Variants in PTPN12 observed in about 807,000 individuals in gnomAD.
PTPN12 encodes protein tyrosine phosphatase non-receptor type 12, also known as tyrosine-protein phosphatase non-receptor type 12.
PTPN12 carries 29 observed loss-of-function variants against 97.6 expected under a neutral mutation model. The ratio of observed to expected loss-of-function variants is 0.30; its 90% CI spans 0.22 to 0.41. The LOEUF (loss-of-function observed/expected upper bound fraction) is 0.41, where lower values mean the gene tolerates loss of function less well. PTPN12 is among the 10% of genes least tolerant of loss of function. The probability of loss-of-function intolerance (pLI) is 1.00; values close to 1 mark genes in which losing one functional copy is unlikely to be tolerated. For synonymous variants in PTPN12, 327 were observed against 300.4 expected (o/e 1.09, Z -0.91); for missense variants, 819 against 926.0 (o/e 0.88, Z 1.50).
Position 77,638,627 on chromosome 7 carries a change from A to T in PTPN12, c.2177A>T (p.His726Leu). The change falls in exon 17 of 18, where the codon CAT (histidine) becomes CTT (leucine). Residue 726 changes from histidine to leucine, a missense_variant. His to Leu is a moderately conservative substitution (Grantham distance 99). Coordinates refer to ENST00000248594, the MANE Select transcript of PTPN12 (RefSeq NM_002835.4). ...LITSENEKCD[H>L]PAGGIHYEMC... ...AAGGCTTTGTGTTGCTACTTAGATC[A>T]TCCAGCGGGAGGTATTCACTATGAA... 7.5e-6 allele frequency: 12 copies of T among 1,590,408 alleles called. No homozygotes were observed. The highest frequency in any genetic ancestry group is 9.4e-6 in the Non-Finnish European group (11 of 1,171,320).
At chr7:77,591,078 T>A (rs566240436) in intron 5 of PTPN12, among the ~76,000 whole-genome samples, 4 of 152,238 alleles carry the variant, frequency 2.6e-5, no homozygotes, top group Admixed American at 2.6e-4. Context: ...TCTGTAAACA[T>A]CTCTTGGAAA....
At chr7:77,588,944 C>T (rs188673227) in intron 5 of PTPN12, among the ~76,000 whole-genome samples, 1 of 152,256 alleles carries the variant, frequency 6.6e-6, no homozygotes, top group East Asian at 1.9e-4. Context: ...GCGATCTCGG[C>T]TCACTGCAAC....
At chr7:77,559,761 TGTCTATTAC>T (rs1280135518) in intron 1 of PTPN12, among the ~76,000 whole-genome samples, 1 of 141,752 alleles carries the variant, frequency 7.1e-6, no homozygotes, top group African/African-American at 2.6e-5. Flanking sequence ...GGGTTATCAA[TGTCTATTAC>T]GTCTAGCAGA....
chr7:77,560,416 C>G (rs575429226), intron 1 of PTPN12, among the ~76,000 whole-genome samples: 3 of 152,168 alleles, frequency 2.0e-5, no homozygotes, highest in African/African-American at 7.2e-5. Context: ...AACCTATCAT[C>G]TAAGCCATTT....
chr7:77,615,395 G>T (rs1050567420), intron 11 of PTPN12, among the ~76,000 whole-genome samples: 2 of 152,120 alleles, frequency 1.3e-5, no homozygotes, highest in African/African-American at 4.8e-5. Context: ...TCATAAAGCT[G>T]TTATATGGAA....
chr7:77,595,941 CAAT>C lies in PTPN12; in HGVS notation c.493-1888_493-1886del, dbSNP rs1231680431. Among the ~76,000 whole-genome samples the C allele has an allele frequency of 3.3e-5, 5 of 151,974 alleles. No individual in the cohort carries two copies. The South Asian group carries it at 6.2e-4, about 19-fold the overall frequency. ...AAAGTGGTTATGTTATCAACAACCACAATAATAATAATAATTTGGGGTGTTCTT... is the reference window on the plus strand; with the variant it reads ...AAAGTGGTTATGTTATCAACAACCACAATAATAATAATTTGGGGTGTTCTT... On this transcript the variant is annotated intron_variant, in intron 6 of 17. Coordinates refer to ENST00000248594, the MANE Select transcript of PTPN12 (RefSeq NM_002835.4).
At chr7:77,570,228 A>G (rs1386937972) in intron 1 of PTPN12, among the ~76,000 whole-genome samples, 1 of 152,248 alleles carries the variant, frequency 6.6e-6, no homozygotes, top group African/African-American at 2.4e-5. Context: ...AGGCAGTTTT[A>G]GTTCCTTAAA....
At chr7:77,560,589 A>G (rs1234847348) in intron 1 of PTPN12, among the ~76,000 whole-genome samples, 1 of 152,144 alleles carries the variant, frequency 6.6e-6, no homozygotes, top group Non-Finnish European at 1.5e-5. Context: ...CCATTCTATT[A>G]CACTTTCTGT....
chr7:77,543,947 G>A (rs906545589), intron 1 of PTPN12, among the ~76,000 whole-genome samples: 5 of 152,032 alleles, frequency 3.3e-5, no homozygotes, highest in African/African-American at 1.2e-4. Context: ...TCCACTTTTT[G>A]GCTAATGTGA....
Position 77,561,765 on chromosome 7 carries a change from T to C in PTPN12, c.100-9313T>C, listed in dbSNP as rs975096566. Among the ~76,000 whole-genome samples the C allele has an allele frequency of 2.1e-3, 323 of 151,530 alleles. 2 individuals carry two copies. The highest frequency in any genetic ancestry group is 7.5e-3 in the African/African-American group (312 of 41,412). ...CTCAATTTTACTGTATGTTTTTAATTAATTAATTAATTAATTAATTTTATT... is the reference window on the plus strand; with the variant it reads ...CTCAATTTTACTGTATGTTTTTAATCAATTAATTAATTAATTAATTTTATT... On this transcript the variant is annotated intron_variant, in intron 1 of 17. Coordinates refer to ENST00000248594, the MANE Select transcript of PTPN12 (RefSeq NM_002835.4).
chr7:77,548,636 C>T (rs1807332636), intron 1 of PTPN12, among the ~76,000 whole-genome samples: 1 of 152,094 alleles, frequency 6.6e-6, no homozygotes. Context: ...GGGAAAAAGT[C>T]AATAAAGCCC....
intron 6 of PTPN12, among the ~76,000 whole-genome samples, chr7:77,597,558 T>C (rs1181969445): frequency 6.6e-6 from 1 of 152,222 alleles, no homozygotes; most frequent in African/African-American, 2.4e-5. Flanking sequence ...TTATTTTTAA[T>C]TGACACATAG....
chr7:77,572,851 G>A (rs142189226), intron 2 of PTPN12, among the ~76,000 whole-genome samples: 2,792 of 152,188 alleles, frequency 0.018, 34 homozygotes, highest in Middle Eastern at 0.071. Flanking sequence ...TTGGGAGGCC[G>A]AGACTGGTGG....
At chr7:77,615,361 G>T (rs1169762068) in intron 11 of PTPN12, among the ~76,000 whole-genome samples, 1 of 151,948 alleles carries the variant, frequency 6.6e-6, no homozygotes, top group Non-Finnish European at 1.5e-5. Flanking sequence ...TAGATAATTT[G>T]TTTCTTAATG....
chr7:77,626,088 G>T (rs1750335992), intron 12 of PTPN12, among the ~76,000 whole-genome samples: 1 of 152,116 alleles, frequency 6.6e-6, no homozygotes, highest in Non-Finnish European at 1.5e-5. Context: ...TACTTACTAT[G>T]TGTGCTTGTC....
intron 7 of PTPN12, among the ~76,000 whole-genome samples, chr7:77,599,558 T>G (rs1278096146): frequency 6.6e-6 from 1 of 152,184 alleles, no homozygotes; most frequent in Non-Finnish European, 1.5e-5. Context: ...CCACCCAAAG[T>G]GTTGGGATTA....
intron 9 of PTPN12, among the ~76,000 whole-genome samples, chr7:77,609,294 T>C (rs1191940186): frequency 3.5e-4 from 48 of 138,866 alleles, no homozygotes; most frequent in African/African-American, 1.3e-3. Context: ...TTTTTTGAGA[T>C]GGAGTCTCAC....
At chr7:77,609,549 C>T (rs1788491733) in intron 9 of PTPN12, among the ~76,000 whole-genome samples, 2 of 151,262 alleles carry the variant, frequency 1.3e-5, no homozygotes, top group African/African-American at 4.8e-5. Flanking sequence ...GGATTACAGA[C>T]ATGAGCCACT....
At position 77,627,606 on chromosome 7, in the gene PTPN12, A is replaced by G. The variant is rs1435380609; in HGVS notation, c.1927A>G (p.Arg643Gly). The G allele has an allele frequency of 6.2e-7, 1 of 1,612,812 alleles. No homozygotes were observed. Among genetic ancestry groups the G allele is most frequent in the South Asian group, 1.1e-5 (1 of 90,986 alleles). ...CACTAGTACTGAAAGCATTTCTACT[A>G]GGAAAGTATTGCCAATGTCCATTGC... Reference protein sequence around the residue: ...AATSTESISTRKVLPMSIARH... With the variant: ...AATSTESISTGKVLPMSIARH... Residue 643 changes from arginine to glycine, a missense_variant, in exon 13 of 18, where the codon AGG becomes GGG. By Grantham distance (125) the Arg-to-Gly change is moderately radical (BLOSUM62 -2). Transcript: ENST00000248594.
Sources: allele counts gnomAD v4.1 joint callset (sites outside exome capture counted in the v4.1 genomes callset), GRCh38; gene constraint gnomAD v4.1.1; transcripts MANE v1.5; gene names NCBI Gene and HGNC (gene_info 2026-07-23, HGNC 2026-07-21).